The following HYCC1 variants were observed in gnomAD, a reference collection of about 807,000 sequenced individuals.
The protein encoded by HYCC1 is hyccin.
chr7:22,921,023 A>G, the HYCC1 span, among the ~76,000 whole-genome samples: 4 of 152,108 alleles, frequency 2.6e-5, no homozygotes, highest in African/African-American at 9.7e-5. Context: ...TAAGCTTCCT[A>G]AGGCCTCTCC....
chr7:22,919,191 T>A, the HYCC1 span, among the ~76,000 whole-genome samples: 1 of 152,158 alleles, frequency 6.6e-6, no homozygotes. Context: ...AAAGTAGCCA[T>A]TATATACGTA....
chr7:22,962,147 G>A, the HYCC1 span, among the ~76,000 whole-genome samples: 7 of 152,120 alleles, frequency 4.6e-5, no homozygotes, highest in East Asian at 1.9e-4. Flanking sequence ...CCACATAGCC[G>A]GAACCCTAAA....
chr7:22,946,957 A>T, the HYCC1 span: 14 of 1,546,084 alleles, frequency 9.1e-6, no homozygotes, highest in Non-Finnish European at 1.2e-5. Flanking sequence ...GATACCTTGG[A>T]GTGCAGTTAT....
the HYCC1 span, chr7:22,978,284 T>C: frequency 6.2e-7 from 1 of 1,614,078 alleles, no homozygotes; most frequent in Non-Finnish European, 8.5e-7. Flanking sequence ...TGTAAACCCC[T>C]AGAAGAAGAG....
At chr7:22,997,809 C>T in the HYCC1 span, among the ~76,000 whole-genome samples, 5 of 152,048 alleles carry the variant, frequency 3.3e-5, no homozygotes, top group Non-Finnish European at 7.4e-5. Flanking sequence ...GGCCTATTTT[C>T]CCCAAAAATC....
the HYCC1 span, among the ~76,000 whole-genome samples, chr7:22,975,184 G>A: frequency 4.3e-4 from 63 of 146,696 alleles, no homozygotes; most frequent in Admixed American, 1.1e-3. Context: ...GAATTATCGA[G>A]GGGAATAATC....
chr7:22,965,654 G>T, the HYCC1 span, among the ~76,000 whole-genome samples: 1 of 151,418 alleles, frequency 6.6e-6, no homozygotes, highest in Admixed American at 6.6e-5. Flanking sequence ...TAAAGTCAAG[G>T]TCTTGCTGTG....
At chr7:22,917,471 G>A in the HYCC1 span, among the ~76,000 whole-genome samples, 127 of 152,282 alleles carry the variant, frequency 8.3e-4, no homozygotes, top group Non-Finnish European at 1.5e-3. Flanking sequence ...CATCAAGCTC[G>A]GGGATTTGCC....
At chr7:22,946,210 C>T in the HYCC1 span, 1 of 1,513,190 alleles carries the variant, frequency 6.6e-7, no homozygotes. Flanking sequence ...GTATTTTAAG[C>T]AATCTTTTTA....
At chr7:22,910,793 A>G in the HYCC1 span, among the ~76,000 whole-genome samples, 18 of 152,154 alleles carry the variant, frequency 1.2e-4, no homozygotes, top group East Asian at 2.9e-3. Flanking sequence ...TGGGGGGGCA[A>G]CTAATTTTAG....
the HYCC1 span, among the ~76,000 whole-genome samples, chr7:22,988,209 C>T: frequency 6.6e-5 from 10 of 152,124 alleles, no homozygotes; most frequent in African/African-American, 2.4e-4. Flanking sequence ...AAATATCCCT[C>T]CTTGAACTGG....
the HYCC1 span, among the ~76,000 whole-genome samples, chr7:23,007,860 A>T: frequency 6.6e-6 from 1 of 152,100 alleles, no homozygotes; most frequent in African/African-American, 2.4e-5. Context: ...CTCAAGGTAC[A>T]TTAAGAGGGC....
chr7:22,916,259 C>T, the HYCC1 span, among the ~76,000 whole-genome samples: 1 of 152,172 alleles, frequency 6.6e-6, no homozygotes, highest in Non-Finnish European at 1.5e-5. Context: ...CCTTATCAAC[C>T]AAATTGTCTT....
chr7:22,922,984 C>T, the HYCC1 span, among the ~76,000 whole-genome samples: 2 of 152,154 alleles, frequency 1.3e-5, no homozygotes, highest in African/African-American at 4.8e-5. Context: ...CAATACTCCA[C>T]TTTCAATCAT....
chr7:22,924,043 G>A, the HYCC1 span, among the ~76,000 whole-genome samples: 1 of 151,356 alleles, frequency 6.6e-6, no homozygotes, highest in Non-Finnish European at 1.5e-5. Flanking sequence ...AGCCAGTGCG[G>A]TGGTGCACGC....
the HYCC1 span, among the ~76,000 whole-genome samples, chr7:22,918,110 C>G: frequency 6.6e-6 from 1 of 152,008 alleles, no homozygotes; most frequent in African/African-American, 2.4e-5. Context: ...TGGTATATGA[C>G]AATATAAAAA....
the HYCC1 span, chr7:22,945,936 G>C: frequency 6.2e-7 from 1 of 1,613,748 alleles, no homozygotes; most frequent in East Asian, 2.2e-5. Flanking sequence ...GTTTGTTTTC[G>C]AGCAAAGTGA....
chr7:22,949,416 C>T, the HYCC1 span, among the ~76,000 whole-genome samples: 1 of 152,014 alleles, frequency 6.6e-6, no homozygotes, highest in East Asian at 1.9e-4. Flanking sequence ...CATTCGAGTC[C>T]GTTTGAGTTA....
At chr7:22,903,057 G>A in the HYCC1 span, among the ~76,000 whole-genome samples, 1 of 152,178 alleles carries the variant, frequency 6.6e-6, no homozygotes, top group African/African-American at 2.4e-5. Flanking sequence ...GAATAAAAAA[G>A]GCAGTGTTGA....
Sources: gnomAD v4.1 joint callset for allele counts (sites outside exome capture counted in the v4.1 genomes callset) on GRCh38, gnomAD v4.1.1 for gene constraint, MANE v1.5 for transcripts, NCBI Gene and HGNC (gene_info 2026-07-23, HGNC 2026-07-21) for gene names.